The following LHFPL2 variants were observed in gnomAD, a reference collection of about 807,000 sequenced individuals.
LHFPL2 encodes LHFPL tetraspan subfamily member 2.
Under a neutral mutation model 17.5 loss-of-function variants are expected in LHFPL2, and 7 were observed. The observed-to-expected ratio is 0.40, with a 90% CI of 0.23 to 0.75. LHFPL2 has a LOEUF of 0.75. LHFPL2 is among the 30% of genes least tolerant of loss of function. LHFPL2 has a pLI of 0.37. For missense variants in LHFPL2, 241 were observed against 294.8 expected, an observed-to-expected ratio of 0.82 and a Z score of 1.34; for synonymous variants, 134 against 116.2, an observed-to-expected ratio of 1.15 and a Z score of -0.99.
At chr5:78,610,600 G>A (rs1007862404) in intron 2 of LHFPL2, among the ~76,000 whole-genome samples, 38 of 152,256 alleles carry the variant, frequency 2.5e-4, no homozygotes, top group African/African-American at 8.2e-4. Context: ...CAGCACATAC[G>A]ATATGAAGCA....
chr5:78,546,711 C>A (rs1463928882), intron 3 of LHFPL2, among the ~76,000 whole-genome samples: 2 of 152,192 alleles, frequency 1.3e-5, no homozygotes, highest in Non-Finnish European at 2.9e-5. Context: ...TCACAGTCTG[C>A]GTCTTCTGTG....
chr5:78,536,241 C>T (rs1313823244), intron 3 of LHFPL2, among the ~76,000 whole-genome samples: 2 of 152,252 alleles, frequency 1.3e-5, no homozygotes, highest in East Asian at 1.9e-4. Flanking sequence ...GGGGCTTGGC[C>T]GTGGCACTGT....
intron 2 of LHFPL2, among the ~76,000 whole-genome samples, chr5:78,566,831 T>C (rs1473838597): frequency 6.6e-6 from 1 of 152,252 alleles, no homozygotes; most frequent in Non-Finnish European, 1.5e-5. Context: ...CCCACAATTT[T>C]ATTTTACCCT....
intron 1 of LHFPL2, chr5:78,644,522 G>A (rs1390712046): frequency 6.8e-6 from 4 of 592,394 alleles, no homozygotes; most frequent in East Asian, 3.0e-5. Context: ...ATTTTTGGGC[G>A]ACACTCAGAA....
At chr5:78,584,316 T>C (rs1482457551) in intron 2 of LHFPL2, among the ~76,000 whole-genome samples, 1 of 152,248 alleles carries the variant, frequency 6.6e-6, no homozygotes, top group African/African-American at 2.4e-5. Context: ...CTTTGTTCCG[T>C]TGCTGGTGAG....
intron 3 of LHFPL2, among the ~76,000 whole-genome samples, chr5:78,549,421 A>C (rs1339435911): frequency 1.3e-5 from 2 of 152,240 alleles, no homozygotes; most frequent in African/African-American, 4.8e-5. Context: ...GCAGAGTGAA[A>C]AAGAATGTGC....
chr5:78,581,110 T>C (rs1296410454), intron 2 of LHFPL2, among the ~76,000 whole-genome samples: 1 of 152,192 alleles, frequency 6.6e-6, no homozygotes, highest in Non-Finnish European at 1.5e-5. Context: ...TTTGAAGCAA[T>C]TGTGAATGGG....
chr5:78,550,612 C>G (rs1756412640), intron 3 of LHFPL2, among the ~76,000 whole-genome samples: 1 of 151,850 alleles, frequency 6.6e-6, no homozygotes. Context: ...ACTCTGTTGC[C>G]CAAGCTGGAG....
intron 2 of LHFPL2, among the ~76,000 whole-genome samples, chr5:78,581,160 G>T (rs1201951510): frequency 1.3e-5 from 2 of 152,130 alleles, no homozygotes; most frequent in African/African-American, 4.8e-5. Flanking sequence ...TCTGTTGTTG[G>T]TGTATAAGAA....
chr5:78,568,920 C>A (rs1360001073), intron 2 of LHFPL2, among the ~76,000 whole-genome samples: 1 of 152,110 alleles, frequency 6.6e-6, no homozygotes, highest in Non-Finnish European at 1.5e-5. Context: ...GGAGAGACAT[C>A]TTTACTATCC....
chr5:78,489,614 T>A (rs774748040), intron 4 of LHFPL2, among the ~76,000 whole-genome samples: 20 of 152,142 alleles, frequency 1.3e-4, no homozygotes, highest in Non-Finnish European at 1.0e-4. Context: ...CCCAGGCTGG[T>A]CTCAAACTCC....
intron 4 of LHFPL2, among the ~76,000 whole-genome samples, chr5:78,493,058 C>CT (rs533907368): frequency 9.0e-4 from 137 of 152,284 alleles, no homozygotes; most frequent in African/African-American, 3.0e-3. Context: ...GGACTAATGT[C>CT]TAAGAGAAAA....
At position 78,486,018 on chromosome 5, in the gene LHFPL2, AAAC is replaced by A. The variant is rs1399071102; in HGVS notation, c.*2876_*2878del. On this transcript the variant is annotated 3_prime_UTR_variant, in exon 5 of 5. Transcript: ENST00000380345. ...TGACTCCTGTCCAGTTTCCAAAACA[AAAC>A]AACAAAACATACATACACCTTTGTT... The A allele has an allele frequency of 1.1e-4, 17 of 152,640 alleles. 1 individual carries two copies. The highest frequency in any genetic ancestry group is 3.1e-4 in the African/African-American group (13 of 41,456). 9.5% of individuals were successfully genotyped at this position (152,640 alleles called of 1,614,324 possible).
At chr5:78,581,380 G>C (rs1225018846) in intron 2 of LHFPL2, among the ~76,000 whole-genome samples, 2 of 152,156 alleles carry the variant, frequency 1.3e-5, no homozygotes, top group Non-Finnish European at 2.9e-5. Context: ...AGTTTTCAAA[G>C]GGAATGCTTC....
At chr5:78,548,295 G>T (rs1246944038) in intron 3 of LHFPL2, among the ~76,000 whole-genome samples, 1 of 152,250 alleles carries the variant, frequency 6.6e-6, no homozygotes, top group Non-Finnish European at 1.5e-5. Context: ...GCATGGAGAA[G>T]GTAGTGGATG....
rs371876645 is a variant in LHFPL2 at position 78,583,059 on chromosome 5, T to A, written c.-244-18188A>T. ...TATGTAATGGCCTTGTCTCTTTTGA[T>A]CTTTGTTGCTTTAAAGTCTGTTTTA... is the stretch of plus-strand genomic sequence containing the variant. On this transcript the variant is annotated intron_variant, in intron 2 of 4. Transcript: ENST00000380345. Among the ~76,000 whole-genome samples the A allele has an allele frequency of 1.9e-4, 29 of 152,314 alleles. No homozygotes were observed. In the East Asian group the frequency reaches 5.6e-3, roughly 29 times the overall value.
intron 2 of LHFPL2, among the ~76,000 whole-genome samples, chr5:78,622,773 A>C (rs1420522994): frequency 1.3e-5 from 2 of 152,230 alleles, no homozygotes; most frequent in Non-Finnish European, 2.9e-5. Flanking sequence ...AGGCTACAGA[A>C]AAGGCATGCT....
chr5:78,537,099 A>G (rs1475956178), intron 3 of LHFPL2, among the ~76,000 whole-genome samples: 1 of 152,162 alleles, frequency 6.6e-6, no homozygotes, highest in Non-Finnish European at 1.5e-5. Context: ...TCACATTCAC[A>G]GGCACATTAA....
intron 2 of LHFPL2, chr5:78,626,320 G>C (rs1369570678): frequency 2.6e-5 from 4 of 152,194 alleles, no homozygotes; most frequent in African/African-American, 4.8e-5. Context: ...AACACAGCCA[G>C]GGAAAAAAGC....
Sources: gnomAD v4.1 joint callset for allele counts (sites outside exome capture counted in the v4.1 genomes callset) on GRCh38, gnomAD v4.1.1 for gene constraint, MANE v1.5 for transcripts, NCBI Gene and HGNC (gene_info 2026-07-23, HGNC 2026-07-21) for gene names.